PGAP1: variants seen among roughly 807,000 people sequenced by gnomAD.
PGAP1 encodes post-GPI attachment to proteins inositol deacylase 1, also known as GPI inositol-deacylase.
In PGAP1, 76 loss-of-function variants were observed where a neutral mutation model predicts 127.0. The ratio of observed to expected loss-of-function variants is 0.60; its 90% CI spans 0.50 to 0.72. The LOEUF is 0.72. PGAP1 is among the 30% of genes least tolerant of loss of function. The probability of loss-of-function intolerance (pLI) is 0.00; values close to 1 mark genes in which losing one functional copy is unlikely to be tolerated. For synonymous variants in PGAP1, 362 were observed against 366.5 expected (o/e 0.99, Z 0.14); for missense variants, 982 against 1,071.3 (o/e 0.92, Z 1.16).
intron 5 of PGAP1, 79 bp downstream of exon 5, chr2:196,902,506 A>G: frequency 8.2e-7 from 1 of 1,226,718 alleles, no homozygotes; most frequent in East Asian, 2.4e-5. Flanking sequence ...ATTACCATGC[A>G]GCTATATATT....
At chr2:196,886,779 C>T (rs1701924110) in intron 10 of PGAP1, among the ~76,000 whole-genome samples, 1 of 151,898 alleles carries the variant, frequency 6.6e-6, no homozygotes, top group Non-Finnish European at 1.5e-5. Flanking sequence ...CTCACTGCAA[C>T]CTCTGCCTCC....
intron 1 of PGAP1, chr2:196,922,610 ACAC>A: frequency 1.6e-5 from 13 of 794,004 alleles, no homozygotes; most frequent in African/African-American, 1.9e-5. Context: ...ACACACACAC[ACAC>A]ACAACAAAGC....
intron 19 of PGAP1, among the ~76,000 whole-genome samples, chr2:196,867,673 T>A (rs1197554504): frequency 6.6e-6 from 1 of 152,164 alleles, no homozygotes; most frequent in South Asian, 2.1e-4. Context: ...TAAAAGTAAA[T>A]TTACTTTAAA....
chr2:196,898,266 A>G, intron 6 of PGAP1, 51 bp downstream of exon 6: 1 of 1,260,786 alleles, frequency 7.9e-7, no homozygotes, highest in South Asian at 1.3e-5. Context: ...CATTGAGGAG[A>G]AAGAGGACCA....
rs573570952 is a variant in PGAP1 at position 196,889,363 on chromosome 2, G to A, written c.1173+1465C>T. ...TACCCATTAGCATCCAGCCCACAATGCCTATCATCTTTTTTTAAAATATTT... is the reference window on the plus strand; with the variant it reads ...TACCCATTAGCATCCAGCCCACAATACCTATCATCTTTTTTTAAAATATTT... On this transcript the variant is annotated intron_variant, in intron 10 of 26. Transcript: ENST00000354764. Among the ~76,000 whole-genome samples the A allele has an allele frequency of 2.0e-4, 31 of 152,176 alleles. No individual in the cohort carries two copies. The South Asian group carries it at 6.2e-3, about 31-fold the overall frequency.
chr2:196,906,970 T>TAC (rs1332240396), intron 4 of PGAP1, among the ~76,000 whole-genome samples: 195 of 144,856 alleles, frequency 1.3e-3, no homozygotes, highest in Non-Finnish European at 2.5e-3. Context: ...CAAATCTACG[T>TAC]CTGATTGGTG....
intron 4 of PGAP1, among the ~76,000 whole-genome samples, chr2:196,905,618 C>G (rs332302): frequency 8.5e-5 from 13 of 152,200 alleles, no homozygotes; most frequent in African/African-American, 3.1e-4. Context: ...CGAATAGGAA[C>G]AGCTCCGGTC....
At chr2:196,867,436 G>A (rs1701278279) in intron 19 of PGAP1, among the ~76,000 whole-genome samples, 2 of 152,112 alleles carry the variant, frequency 1.3e-5, no homozygotes, top group Non-Finnish European at 2.9e-5. Context: ...GAGAACATAT[G>A]GACACAGGGA....
chr2:196,902,606 A>G lies in PGAP1; in HGVS notation c.786T>C (p.His262=). 2 of 1,613,256 alleles carry G rather than the reference A, an allele frequency of 1.2e-6. No homozygotes were observed. The highest frequency in any genetic ancestry group is 1.7e-6 in the Non-Finnish European group (2 of 1,179,634). The change falls in exon 5 of 27, where the codon CAT becomes CAC. Residue 262 remains histidine, a synonymous_variant. Coordinates refer to ENST00000354764, the MANE Select transcript of PGAP1 (RefSeq NM_024989.4). ...GLTFLPKLSH[H]TSALSVVSSA... Reference sequence around the variant, plus strand: ...TTACCACAACAGATAAGGCACTGGTATGATGGCTTAATTTTGGTAGAAAAG... The same window carrying G: ...TTACCACAACAGATAAGGCACTGGTGTGATGGCTTAATTTTGGTAGAAAAG...
intron 18 of PGAP1, 134 bp downstream of exon 18, chr2:196,872,307 T>G: frequency 1.7e-6 from 1 of 591,896 alleles, no homozygotes; most frequent in Non-Finnish European, 2.9e-6. Flanking sequence ...TGAAGAATAT[T>G]TAAAATATTT....
At position 196,840,958 on chromosome 2, in the gene PGAP1, T is replaced by G. The variant is rs975859415; in HGVS notation, c.*276A>C. ...TCGTACAGTTGATAAAACAGACTAT[T>G]TTATATGCACAGGAGTCCTCAATGA... On this transcript the variant is annotated 3_prime_UTR_variant, in exon 27 of 27. Transcript: ENST00000354764. 12 of 275,430 alleles carry G rather than the reference T, an allele frequency of 4.4e-5. No individual in the cohort carries two copies. Among genetic ancestry groups the G allele is most frequent in the African/African-American group, 2.4e-4 (11 of 45,956 alleles). The allele number at this position is 275,430 out of a possible 1,614,324, so 17.1% of individuals were successfully genotyped here. A position where few individuals can be genotyped will look rare whatever the true frequency, so the allele number is the denominator to read the frequency against.
At chr2:196,846,871 A>C (rs1200138124) in intron 22 of PGAP1, 132 bp downstream of exon 22, 1 of 699,418 alleles carries the variant, frequency 1.4e-6, no homozygotes, top group Non-Finnish European at 2.3e-6. Flanking sequence ...TTGAACACTA[A>C]CCCATACTTT....
intron 12 of PGAP1, among the ~76,000 whole-genome samples, chr2:196,885,154 T>G (rs1352799873): frequency 6.6e-6 from 1 of 152,202 alleles, no homozygotes; most frequent in Admixed American, 6.5e-5. Context: ...TCCATCCAGT[T>G]CTTTTTGTAT....
At chr2:196,854,210 A>G (rs959470927) in intron 20 of PGAP1, among the ~76,000 whole-genome samples, 2 of 151,912 alleles carry the variant, frequency 1.3e-5, no homozygotes, top group African/African-American at 4.8e-5. Flanking sequence ...AAAATTCTAA[A>G]CTAAGTCTTT....
intron 12 of PGAP1, among the ~76,000 whole-genome samples, chr2:196,883,146 T>C (rs1316118690): frequency 6.6e-6 from 1 of 152,244 alleles, no homozygotes; most frequent in African/African-American, 2.4e-5. Flanking sequence ...ATTTATGTGA[T>C]GAATCACCCA....
In PGAP1 at chr2:196,835,523, T is replaced by C. The variant is rs1700215167; in HGVS notation, c.*5711A>G. ...AAAACATTCAAGCAATCACACAAAA[T>C]AGAACACACTAGGCTACAAATCTTG... On this transcript the variant is annotated 3_prime_UTR_variant, in exon 27 of 27. Transcript: ENST00000354764. 5 of 152,166 alleles carry C rather than the reference T, an allele frequency of 3.3e-5. No homozygotes were observed. Among genetic ancestry groups the C allele is most frequent in the Admixed American group, 3.3e-4 (5 of 15,286 alleles). 9.4% of individuals were successfully genotyped at this position (152,166 alleles called of 1,614,324 possible). A position where few individuals can be genotyped will look rare whatever the true frequency, so the allele number is the denominator to read the frequency against.
chr2:196,844,728 C>G (rs1700509965), intron 23 of PGAP1, among the ~76,000 whole-genome samples, 154 bp from the exon 24 acceptor site: 1 of 151,972 alleles, frequency 6.6e-6, no homozygotes, highest in Non-Finnish European at 1.5e-5. Context: ...TTATACAAAA[C>G]AACAACTACA....
In PGAP1 at chr2:196,834,570, G is replaced by A. The variant is rs1700186066; in HGVS notation, c.*6664C>T. Reference sequence around the variant, plus strand: ...TTGTTATATTTATAGCCAGTCATAAGCTTCAGAAACTATAATACAATCACT... The same window carrying A: ...TTGTTATATTTATAGCCAGTCATAAACTTCAGAAACTATAATACAATCACT... On this transcript the variant is annotated 3_prime_UTR_variant, in exon 27 of 27. Transcript: ENST00000354764. The A allele has an allele frequency of 6.6e-6, 1 of 152,290 alleles. No homozygotes were observed. The highest frequency in any genetic ancestry group is 6.6e-5 in the Admixed American group (1 of 15,252). The allele number at this position is 152,290 out of a possible 1,614,324, so 9.4% of individuals were successfully genotyped here. A position where few individuals can be genotyped will look rare whatever the true frequency, so the allele number is the denominator to read the frequency against.
intron 20 of PGAP1, among the ~76,000 whole-genome samples, chr2:196,863,901 T>C (rs1304013922): frequency 6.6e-6 from 1 of 152,046 alleles, no homozygotes; most frequent in Non-Finnish European, 1.5e-5. Flanking sequence ...TAATAATTTA[T>C]TGTATATTTT....
Sources: allele counts gnomAD v4.1 joint callset (sites outside exome capture counted in the v4.1 genomes callset), GRCh38; gene constraint gnomAD v4.1.1; transcripts MANE v1.5; gene names NCBI Gene and HGNC (gene_info 2026-07-23, HGNC 2026-07-21).